ADGRV1: variants seen among roughly 807,000 people sequenced by gnomAD.
ADGRV1 encodes the protein G-protein coupled receptor 98.
ADGRV1 carries 359 observed loss-of-function variants against 596.2 expected under a neutral mutation model. The ratio of observed to expected loss-of-function variants is 0.60; its 90% CI spans 0.55 to 0.66. The LOEUF is 0.66. ADGRV1 is among the 30% of genes least tolerant of loss of function. ADGRV1 has a pLI of 0.00. For missense variants in ADGRV1, 7,274 were observed against 7,575.6 expected (o/e 0.96, Z 1.48); for synonymous variants, 2,681 against 2,679.2 (o/e 1.00, Z -0.02).
intron 83 of ADGRV1, among the ~76,000 whole-genome samples, chr5:90,919,261 C>T (rs1413760438): frequency 2.0e-5 from 3 of 152,164 alleles, no homozygotes; most frequent in Non-Finnish European, 1.5e-5. Flanking sequence ...TACTTCTCAG[C>T]AGCATCTATA....
intron 79 of ADGRV1, among the ~76,000 whole-genome samples, chr5:90,851,345 G>C (rs991529766): frequency 4.5e-4 from 68 of 151,960 alleles, no homozygotes; most frequent in African/African-American, 1.6e-3. Flanking sequence ...ACAATTAGGT[G>C]GTAGAATTAA....
intron 85 of ADGRV1, among the ~76,000 whole-genome samples, chr5:90,991,356 C>G (rs967874927): frequency 6.6e-6 from 1 of 152,192 alleles, no homozygotes; most frequent in South Asian, 2.1e-4. Flanking sequence ...AGTGAATTCT[C>G]TTATGCCTAA....
At chr5:90,626,576 C>G (rs745982112) in intron 6 of ADGRV1, 1 of 151,484 alleles carries the variant, frequency 6.6e-6, no homozygotes, top group Non-Finnish European at 1.5e-5. Flanking sequence ...CAAGATTTCT[C>G]TGCAGCAGCA....
chr5:90,711,391 C>G, intron 41 of ADGRV1, 69 bp downstream of exon 41: 1 of 1,235,468 alleles, frequency 8.1e-7, no homozygotes, highest in Admixed American at 2.4e-5. Flanking sequence ...TTGAGAATTA[C>G]AGTGATTTAG....
chr5:90,836,918 A>G (rs922235466), intron 77 of ADGRV1, among the ~76,000 whole-genome samples: 8 of 152,262 alleles, frequency 5.3e-5, no homozygotes, highest in Non-Finnish European at 8.8e-5. Context: ...AGACAGAGAC[A>G]TACAATTCTC....
chr5:90,663,673 A>G (rs1254166031), intron 21 of ADGRV1, among the ~76,000 whole-genome samples: 2 of 152,246 alleles, frequency 1.3e-5, no homozygotes, highest in Non-Finnish European at 2.9e-5. Flanking sequence ...TGTTTTAGAC[A>G]TGAAGTCCTT....
At chr5:90,956,375 A>G (rs1057069221) in intron 83 of ADGRV1, among the ~76,000 whole-genome samples, 1 of 152,190 alleles carries the variant, frequency 6.6e-6, no homozygotes, top group African/African-American at 2.4e-5. Flanking sequence ...CAACAACAAA[A>G]TTATCTAAAA....
chr5:90,827,510 A>G (rs764411062), intron 76 of ADGRV1, among the ~76,000 whole-genome samples: 15 of 152,220 alleles, frequency 9.9e-5, no homozygotes, highest in Non-Finnish European at 2.9e-5. Context: ...ACAATGAAAA[A>G]GGAATATTTT....
intron 59 of ADGRV1, among the ~76,000 whole-genome samples, chr5:90,773,825 C>A (rs969389370): frequency 1.3e-5 from 2 of 152,218 alleles, no homozygotes; most frequent in African/African-American, 2.4e-5. Flanking sequence ...TAATGTCATT[C>A]ACACTTTGTT....
chr5:90,780,020 A>G (rs1428854768), intron 64 of ADGRV1: 1 of 152,184 alleles, frequency 6.6e-6, no homozygotes, highest in Non-Finnish European at 1.5e-5. Flanking sequence ...ATGCCTGGCA[A>G]TGAGAGTGAA....
intron 83 of ADGRV1, among the ~76,000 whole-genome samples, chr5:90,952,702 A>G (rs762666210): frequency 6.6e-6 from 1 of 152,182 alleles, no homozygotes; most frequent in Non-Finnish European, 1.5e-5. Context: ...AGATAGTAAT[A>G]AGTGAAAAGT....
At chr5:90,620,580 G>A (rs965347680) in intron 4 of ADGRV1, among the ~76,000 whole-genome samples, 1 of 152,006 alleles carries the variant, frequency 6.6e-6, no homozygotes, top group East Asian at 1.9e-4. Context: ...TTCTTTTGCT[G>A]TGCAGAAGCT....
chr5:90,647,442 A>C, intron 16 of ADGRV1, 56 bp from the exon 17 acceptor site: 3 of 1,546,716 alleles, frequency 1.9e-6, no homozygotes, highest in Non-Finnish European at 2.6e-6. Flanking sequence ...ATGTGATCTG[A>C]AAATATGTGA....
At chr5:90,920,569 A>G (rs1773790415) in intron 83 of ADGRV1, among the ~76,000 whole-genome samples, 1 of 152,206 alleles carries the variant, frequency 6.6e-6, no homozygotes, top group African/African-American at 2.4e-5. Flanking sequence ...AATGATTAAT[A>G]TTTTATAGCT....
At chr5:90,812,737 C>CTACAGTTTATG (rs1762549059) in intron 74 of ADGRV1, among the ~76,000 whole-genome samples, 1 of 152,078 alleles carries the variant, frequency 6.6e-6, no homozygotes, top group Non-Finnish European at 1.5e-5. Flanking sequence ...ATTCCTGTTT[C>CTACAGTTTATG]TACAGTTTAT....
intron 86 of ADGRV1, among the ~76,000 whole-genome samples, chr5:91,093,402 G>C (rs972728307): frequency 2.0e-5 from 3 of 152,194 alleles, no homozygotes; most frequent in African/African-American, 4.8e-5. Context: ...GAAGTCCAGG[G>C]CTTCTCTAAA....
intron 87 of ADGRV1, among the ~76,000 whole-genome samples, chr5:91,147,239 A>T (rs1285485797): frequency 6.6e-6 from 1 of 151,822 alleles, no homozygotes; most frequent in Non-Finnish European, 1.5e-5. Context: ...AATTACATTG[A>T]CTAAATTTTT....
At chr5:91,026,908 G>A (rs914900973) in intron 85 of ADGRV1, among the ~76,000 whole-genome samples, 2 of 151,936 alleles carry the variant, frequency 1.3e-5, no homozygotes, top group African/African-American at 2.4e-5. Context: ...TTGGGAAGCC[G>A]AGGCAGGCAG....
intron 7 of ADGRV1, 192 bp downstream of exon 7, chr5:90,627,968 A>G (rs1580507228): frequency 5.2e-6 from 2 of 382,060 alleles, no homozygotes; most frequent in Non-Finnish European, 9.2e-6. Flanking sequence ...ACACAAGAAT[A>G]TGTCATTTTT....
Sources: allele counts gnomAD v4.1 joint callset (sites outside exome capture counted in the v4.1 genomes callset), GRCh38; gene constraint gnomAD v4.1.1; transcripts MANE v1.5; gene names NCBI Gene and HGNC (gene_info 2026-07-23, HGNC 2026-07-21).